Variants in ALAS1 observed in about 807,000 individuals in gnomAD.
The protein encoded by ALAS1 is 5'-aminolevulinate synthase 1.
In ALAS1, 29 loss-of-function variants were observed where a neutral mutation model predicts 59.6. The ratio of observed to expected loss-of-function variants is 0.49; its 90% CI spans 0.36 to 0.66. The LOEUF is 0.66. Ranked by LOEUF, ALAS1 falls within the 30% of genes least tolerant of loss-of-function variation. The pLI is 0.00. For missense variants in ALAS1, 690 were observed against 807.5 expected, an observed-to-expected ratio of 0.85 and a Z score of 1.76; for synonymous variants, 299 against 296.6, an observed-to-expected ratio of 1.01 and a Z score of -0.08.
intron 7 of ALAS1, 40 bp from the exon 8 acceptor site, chr3:52,206,532 T>C: frequency 6.3e-7 from 1 of 1,587,916 alleles, no homozygotes; most frequent in African/African-American, 1.3e-5. Context: ...TAATTTGTCT[T>C]CGATGCACAT....
In ALAS1 at chr3:52,199,324, T is replaced by C; in HGVS notation, c.83T>C (p.Phe28Ser). The change falls in exon 3 of 12, where the codon TTC becomes TCC. Residue 28 changes from phenylalanine to serine, a missense_variant. Physicochemically the swap from Phe to Ser is radical, Grantham distance 155. Transcript: ENST00000484952. ...CAGAAAGCAGGCAAATCTCTGTTGTTCTATGCCCAAAACTGCCCCAAGATG... is the reference window on the plus strand; with the variant it reads ...CAGAAAGCAGGCAAATCTCTGTTGTCCTATGCCCAAAACTGCCCCAAGATG... ...FLQKAGKSLL[F>S]YAQNCPKMME... 6.2e-7 allele frequency: 1 copy of C among 1,614,218 alleles called. No individual in the cohort carries two copies.
chr3:52,204,897 G>A lies in ALAS1; in HGVS notation c.782G>A (p.Arg261Gln), dbSNP rs145784344. ...TACCTAGGAATGAGTCGCCACCCACGGGTGTGTGGGGCAGTTATGTAAGTA... is the reference window on the plus strand; with the variant it reads ...TACCTAGGAATGAGTCGCCACCCACAGGTGTGTGGGGCAGTTATGTAAGTA... ...NDYLGMSRHP[R>Q]VCGAVMDTLK... The change falls in exon 6 of 12, where the codon CGG becomes CAG. Residue 261 changes from arginine to glutamine, a missense_variant. Coordinates refer to ENST00000484952, the MANE Select transcript of ALAS1 (RefSeq NM_000688.6). 2.5e-5 allele frequency: 41 copies of A among 1,613,920 alleles called. No homozygotes were observed. Among genetic ancestry groups the A allele is most frequent in the South Asian group, 2.5e-4 (23 of 91,084 alleles).
chr3:52,205,692 G>C (rs1699277868), intron 6 of ALAS1, 147 bp from the exon 7 acceptor site: 1 of 703,694 alleles, frequency 1.4e-6, no homozygotes, highest in African/African-American at 1.8e-5. Flanking sequence ...GATGAAATCA[G>C]TTGAAATTTC....
intron 8 of ALAS1, among the ~76,000 whole-genome samples, chr3:52,207,880 A>G (rs1293326900): frequency 6.6e-6 from 1 of 152,110 alleles, no homozygotes; most frequent in Non-Finnish European, 1.5e-5. Flanking sequence ...TTTCTAATAG[A>G]TTTGGGTGAA....
chr3:52,213,963 T>G (rs1699464193), intron 11 of ALAS1, 57 bp from the exon 12 acceptor site: 2 of 1,499,980 alleles, frequency 1.3e-6, no homozygotes, highest in Non-Finnish European at 1.8e-6. Context: ...GGACATATGT[T>G]TTCATTTCTC....
At chr3:52,210,747 C>T (rs1385993073) in intron 9 of ALAS1, among the ~76,000 whole-genome samples, 1 of 152,052 alleles carries the variant, frequency 6.6e-6, no homozygotes, top group Non-Finnish European at 1.5e-5. Context: ...CCACTGCACT[C>T]CAGCCTGGGT....
chr3:52,206,926 C>T (rs1289790424), intron 8 of ALAS1, among the ~76,000 whole-genome samples, 175 bp downstream of exon 8: 2 of 152,106 alleles, frequency 1.3e-5, no homozygotes, highest in East Asian at 3.8e-4. Context: ...GCTCCGCCTC[C>T]CGGGTTCACG....
In ALAS1 at chr3:52,208,165, G is replaced by A; in HGVS notation, c.1248G>A (p.Val416=). The change falls in exon 9 of 12, where the codon GTG becomes GTA. Residue 416 remains valine, a synonymous_variant. Transcript: ENST00000484952. Reference sequence around the variant, plus strand: ...CCTTCGTGGATGAGGTCCACGCAGTGGGGCTTTATGGGGCTCGAGGCGGAG... The same window carrying A: ...CCTTCGTGGATGAGGTCCACGCAGTAGGGCTTTATGGGGCTCGAGGCGGAG... The part of the protein sequence containing the change: ...AITFVDEVHA[V]GLYGARGGGI... 3 of 1,613,684 alleles carry A rather than the reference G, an allele frequency of 1.9e-6. No individual in the cohort carries two copies. The highest frequency in any genetic ancestry group is 1.7e-5 in the Admixed American group (1 of 59,984).
Position 52,198,167 on chromosome 3 carries a change from T to C in ALAS1, c.-298T>C, listed in dbSNP as rs1009270453. On this transcript the variant is annotated 5_prime_UTR_variant, in exon 1 of 12. Transcript: ENST00000484952. The stretch of plus-strand genomic sequence containing the variant: ...GCCGGCGATCGCGGCCTGAGGCTGC[T>C]CCCGGACAAGGGCAACGAGCGTTTC... The C allele has an allele frequency of 7.5e-6, 3 of 398,542 alleles. No individual in the cohort carries two copies. 24.7% of individuals were successfully genotyped at this position (398,542 alleles called of 1,614,324 possible). A position where few individuals can be genotyped will look rare whatever the true frequency, so the allele number is the denominator to read the frequency against.
chr3:52,206,819 G>A, intron 8 of ALAS1, 68 bp downstream of exon 8: 2 of 1,521,274 alleles, frequency 1.3e-6, no homozygotes, highest in Non-Finnish European at 1.8e-6. Flanking sequence ...TTAAAAGTAT[G>A]GTGTTTTGTT....
Position 52,214,194 on chromosome 3 carries a change from T to C in ALAS1, c.*14T>C. 1.3e-6 allele frequency: 2 copies of C among 1,575,694 alleles called. No individual in the cohort carries two copies. The highest frequency in any genetic ancestry group is 1.7e-6 in the Non-Finnish European group (2 of 1,149,520). On this transcript the variant is annotated 3_prime_UTR_variant, in exon 12 of 12. Coordinates refer to ENST00000484952, the MANE Select transcript of ALAS1 (RefSeq NM_000688.6). ...GCTCAGGCCTGAGCATGACCTCAAT[T>C]ATTTCACTTAACCCCAGGCCATTAT...
chr3:52,205,172 A>G (rs2073449339), intron 6 of ALAS1, among the ~76,000 whole-genome samples: 1 of 152,220 alleles, frequency 6.6e-6, no homozygotes, highest in African/African-American at 2.4e-5. Flanking sequence ...TCCACTTTCT[A>G]TCACTCTGCA....
chr3:52,203,835 C>A, intron 4 of ALAS1, 28 bp from the exon 5 acceptor site: 1 of 1,555,504 alleles, frequency 6.4e-7, no homozygotes, highest in South Asian at 1.2e-5. Flanking sequence ...AAGTTGGTCC[C>A]ATTTGTTTCT....
Position 52,214,256 on chromosome 3 carries a change from GAA to G in ALAS1, c.*77_*78del. ...GGTCTTCAGAGTTGTCTTTATATGT[GAA>G]TTAAGTTATATTAAATTTTAATCTA... On this transcript the variant is annotated 3_prime_UTR_variant, in exon 12 of 12. Transcript: ENST00000484952. 1 of 1,305,388 alleles carries G rather than the reference GAA, an allele frequency of 7.7e-7. No individual in the cohort carries two copies. Among genetic ancestry groups the G allele is most frequent in the South Asian group, 1.8e-5 (1 of 57,106 alleles). 80.9% of individuals were successfully genotyped at this position (1,305,388 alleles called of 1,614,324 possible).
intron 8 of ALAS1, 89 bp downstream of exon 8, chr3:52,206,840 A>T: frequency 1.8e-5 from 21 of 1,168,074 alleles, no homozygotes; most frequent in East Asian, 1.7e-4. Flanking sequence ...GTGTTTTTTA[A>T]TTTTTTTTTT....
At position 52,211,356 on chromosome 3, in the gene ALAS1, T is replaced by C. The variant is rs1699402233; in HGVS notation, c.1404T>C (p.Ala468=). The change falls in exon 10 of 12, where the codon GCT becomes GCC. Residue 468 remains alanine (A), a synonymous_variant. Coordinates refer to ENST00000484952, the MANE Select transcript of ALAS1 (RefSeq NM_000688.6). ...SSLIDTVRSY[A]AGFIFTTSLP... is the part of the protein sequence containing the mutation. ...TGATTGACACCGTACGGTCCTATGC[T>C]GCTGGCTTCATCTTCACCACCTCTC... 1 of 1,614,244 alleles carries C rather than the reference T, an allele frequency of 6.2e-7. No homozygotes were observed. The highest frequency in any genetic ancestry group is 1.3e-5 in the African/African-American group (1 of 75,054).
intron 3 of ALAS1, among the ~76,000 whole-genome samples, chr3:52,201,730 T>A (rs945711908): frequency 6.6e-6 from 1 of 152,128 alleles, no homozygotes; most frequent in Non-Finnish European, 1.5e-5. Flanking sequence ...CACTCTAGCC[T>A]GGTTGACAGA....
At chr3:52,198,648 T>C in intron 1 of ALAS1, 24 bp from the exon 2 acceptor site, 1 of 698,684 alleles carries the variant, frequency 1.4e-6, no homozygotes, top group Non-Finnish European at 2.4e-6. Context: ...ACCCCTACCC[T>C]CATTTGTGCC....
At position 52,203,875 on chromosome 3, in the gene ALAS1, C is replaced by T; in HGVS notation, c.440C>T (p.Thr147Ile). The T allele has an allele frequency of 6.3e-7, 1 of 1,587,278 alleles. No individual in the cohort carries two copies. The highest frequency in any genetic ancestry group is 8.6e-7 in the Non-Finnish European group (1 of 1,167,132). Reference sequence around the variant, plus strand: ...ACTTTTGTTCCAGAGGTTGCTGAAACCTCAGCAGGCCCCAGTGTGGTTAGT... The same window carrying T: ...ACTTTTGTTCCAGAGGTTGCTGAAATCTCAGCAGGCCCCAGTGTGGTTAGT... ...MNAVRKEVAE[T>I]SAGPSVVSVK... Residue 147 changes from threonine to isoleucine, a missense_variant, in exon 5 of 12, where the codon ACC becomes ATC. Thr to Ile is a moderately conservative substitution (Grantham distance 89). Transcript: ENST00000484952.
Sources: allele counts gnomAD v4.1 joint callset (sites outside exome capture counted in the v4.1 genomes callset), GRCh38; gene constraint gnomAD v4.1.1; transcripts MANE v1.5; gene names NCBI Gene and HGNC (gene_info 2026-07-23, HGNC 2026-07-21).